Variants in TMEM132C observed in about 807,000 individuals in gnomAD.
TMEM132C encodes transmembrane protein 132C.
In TMEM132C, 29 loss-of-function variants were observed where a neutral mutation model predicts 61.4. The observed-to-expected ratio is 0.47, with a 90% CI of 0.35 to 0.64. The LOEUF (loss-of-function observed/expected upper bound fraction) is 0.64, where lower values mean the gene tolerates loss of function less well. Among genes scored for constraint, TMEM132C ranks in the 30% least tolerant of loss-of-function variants. TMEM132C has a pLI of 0.00. For missense variants in TMEM132C, 1,408 were observed against 1,476.9 expected, an observed-to-expected ratio of 0.95 and a Z score of 0.76; for synonymous variants, 656 against 633.1, an observed-to-expected ratio of 1.04 and a Z score of -0.54.
chr12:128,340,918 C>CTCTCTCTCTT (rs1872956338), intron 1 of TMEM132C, among the ~76,000 whole-genome samples: 1 of 44,524 alleles, frequency 2.2e-5, no homozygotes, highest in South Asian at 6.2e-4. Context: ...CTCTCTCTTT[C>CTCTCTCTCTT]TCTCTCTCTC....
intron 1 of TMEM132C, among the ~76,000 whole-genome samples, chr12:128,388,659 C>A (rs1230335683): frequency 6.6e-6 from 1 of 152,228 alleles, no homozygotes; most frequent in African/African-American, 2.4e-5. Context: ...GCCCCGCAGG[C>A]CCTGCCATCA....
At chr12:128,292,985 C>T (rs1194061708) in intron 1 of TMEM132C, among the ~76,000 whole-genome samples, 1 of 149,192 alleles carries the variant, frequency 6.7e-6, no homozygotes, top group Non-Finnish European at 1.5e-5. Flanking sequence ...AGCACGAGCA[C>T]CAACTTGTGT....
chr12:128,612,107 C>A (rs1286228338), intron 3 of TMEM132C, among the ~76,000 whole-genome samples: 1 of 152,186 alleles, frequency 6.6e-6, no homozygotes, highest in Non-Finnish European at 1.5e-5. Context: ...CAGAGGAATT[C>A]TTTGTCTTGT....
At chr12:128,576,187 G>A (rs1011346263) in intron 3 of TMEM132C, among the ~76,000 whole-genome samples, 5 of 150,408 alleles carry the variant, frequency 3.3e-5, no homozygotes, top group African/African-American at 1.2e-4. Flanking sequence ...CCAGAAGGGG[G>A]AGTTTGCAGT....
At chr12:128,514,056 G>C (rs1228332503) in intron 2 of TMEM132C, among the ~76,000 whole-genome samples, 5 of 152,160 alleles carry the variant, frequency 3.3e-5, no homozygotes, top group Admixed American at 6.5e-5. Context: ...TGCACAGCAG[G>C]GTAGTCAGAA....
chr12:128,695,915 G>T lies in TMEM132C; in HGVS notation c.1741G>T (p.Val581Phe), dbSNP rs948864796. Residue 581 changes from valine (V) to phenylalanine (F), a missense_variant, in exon 7 of 9, where the codon GTC becomes TTC. Val to Phe is a conservative substitution (Grantham distance 50). Coordinates refer to ENST00000435159, the MANE Select transcript of TMEM132C (RefSeq NM_001136103.3). ...ALQYQHATVRVLTQFVSEGAG... is the reference protein window; with the variant it reads ...ALQYQHATVRFLTQFVSEGAG... ...GCAATACCAGCACGCCACCGTGCGGGTCCTCACCCAGTTTGTGTCTGAGGG... is the reference window on the plus strand; with the variant it reads ...GCAATACCAGCACGCCACCGTGCGGTTCCTCACCCAGTTTGTGTCTGAGGG... 6.4e-7 allele frequency: 1 copy of T among 1,551,732 alleles called. No individual in the cohort carries two copies. Among genetic ancestry groups the T allele is most frequent in the Admixed American group, 2.0e-5 (1 of 51,008 alleles).
intron 2 of TMEM132C, among the ~76,000 whole-genome samples, chr12:128,452,657 T>A (rs1870216287): frequency 6.6e-6 from 1 of 151,364 alleles, no homozygotes; most frequent in Non-Finnish European, 1.5e-5. Flanking sequence ...TGAGCTGAGA[T>A]CACACCACTG....
chr12:128,651,114 C>T (rs1954264482), intron 4 of TMEM132C, among the ~76,000 whole-genome samples: 1 of 152,188 alleles, frequency 6.6e-6, no homozygotes, highest in African/African-American at 2.4e-5. Context: ...AAATTTAGCC[C>T]CATCCTTCTT....
In TMEM132C at chr12:128,269,104, T is replaced by C. The variant is rs1870422965; in HGVS notation, c.85+1617T>C. ...AGGTTCCAGCGTTTCTAGGATTCAG[T>C]TTTCCTAGATGCAAAGTGGCCATTG... On this transcript the variant is annotated intron_variant, in intron 1 of 8. Coordinates refer to ENST00000435159, the MANE Select transcript of TMEM132C (RefSeq NM_001136103.3). Among the ~76,000 whole-genome samples, 2 of 152,076 alleles carry C rather than the reference T, an allele frequency of 1.3e-5. 1 individual carries two copies. The highest frequency in any genetic ancestry group is 4.2e-4 in the South Asian group (2 of 4,816).
chr12:128,681,995 T>C (rs905808310), intron 5 of TMEM132C, among the ~76,000 whole-genome samples: 1 of 151,962 alleles, frequency 6.6e-6, no homozygotes, highest in Non-Finnish European at 1.5e-5. Flanking sequence ...CAGGTAGAAA[T>C]CTAGCAGAAA....
intron 4 of TMEM132C, among the ~76,000 whole-genome samples, chr12:128,622,398 T>TATATAA (rs1953977262): frequency 8.2e-6 from 1 of 121,794 alleles, no homozygotes; most frequent in African/African-American, 3.0e-5. Context: ...TATATATATA[T>TATATAA]ATAACCAGGA....
intron 2 of TMEM132C, among the ~76,000 whole-genome samples, chr12:128,524,216 T>C (rs1873009522): frequency 6.6e-6 from 1 of 152,124 alleles, no homozygotes; most frequent in African/African-American, 2.4e-5. Context: ...GAATCCTTGA[T>C]CTATGGGGTA....
intron 1 of TMEM132C, among the ~76,000 whole-genome samples, chr12:128,357,126 C>T (rs1397535072): frequency 1.3e-5 from 2 of 152,086 alleles, no homozygotes; most frequent in Admixed American, 1.3e-4. Context: ...CGGGAGCCCA[C>T]GTGTCCAATT....
At chr12:128,688,714 G>C (rs1352620777) in intron 5 of TMEM132C, among the ~76,000 whole-genome samples, 3 of 152,204 alleles carry the variant, frequency 2.0e-5, no homozygotes, top group African/African-American at 7.2e-5. Context: ...GACAAATCAA[G>C]CAAATAATAA....
intron 2 of TMEM132C, among the ~76,000 whole-genome samples, chr12:128,446,118 A>T (rs1593056141): frequency 6.6e-6 from 1 of 152,198 alleles, no homozygotes; most frequent in Non-Finnish European, 1.5e-5. Context: ...GCCTTCTCAG[A>T]TTCAGTAAGG....
At chr12:128,377,705 G>A (rs1874241809) in intron 1 of TMEM132C, among the ~76,000 whole-genome samples, 1 of 152,242 alleles carries the variant, frequency 6.6e-6, no homozygotes, top group Non-Finnish European at 1.5e-5. Flanking sequence ...ACCCCAGCAT[G>A]TTTGTAAACC....
Position 128,289,244 on chromosome 12 carries a change from GT to G in TMEM132C, c.85+21759del, listed in dbSNP as rs555505569. Among the ~76,000 whole-genome samples the G allele has an allele frequency of 6.0e-4, 92 of 152,234 alleles. 1 individual carries two copies. The South Asian group carries it at 0.019, about 31-fold the overall frequency. ...TGCACCTATACACACCCTCTCACAT[GT>G]TAACATACATGCACACTTATACACA... is the stretch of plus-strand genomic sequence containing the variant. On this transcript the variant is annotated intron_variant, in intron 1 of 8. Coordinates refer to ENST00000435159, the MANE Select transcript of TMEM132C (RefSeq NM_001136103.3).
At chr12:128,681,654 C>CTT (rs5801810) in intron 5 of TMEM132C, among the ~76,000 whole-genome samples, 3,138 of 131,568 alleles carry the variant, frequency 0.024, 128 homozygotes, top group South Asian at 0.13. Context: ...CAGACTGTAT[C>CTT]TTTTTTTTTT....
chr12:128,460,030 GT>G (rs1870481661), intron 2 of TMEM132C, among the ~76,000 whole-genome samples: 1 of 152,016 alleles, frequency 6.6e-6, no homozygotes, highest in South Asian at 2.1e-4. Flanking sequence ...AGATTGAAAA[GT>G]AATAAAGGTT....
Sources: gnomAD v4.1 joint callset for allele counts (sites outside exome capture counted in the v4.1 genomes callset) on GRCh38, gnomAD v4.1.1 for gene constraint, MANE v1.5 for transcripts, NCBI Gene and HGNC (gene_info 2026-07-23, HGNC 2026-07-21) for gene names.